Variants in HBS1L observed in about 807,000 individuals in gnomAD.
The protein encoded by HBS1L is HBS1 like translational GTPase.
A neutral mutation model predicts 88.9 loss-of-function variants in HBS1L; 55 were observed. That is an observed-to-expected ratio of 0.62 (90% CI 0.50 to 0.77). HBS1L has a LOEUF of 0.77. Ranked by LOEUF, HBS1L falls within the 30% of genes least tolerant of loss-of-function variation. The probability of loss-of-function intolerance (pLI) is 0.00; values close to 1 mark genes in which losing one functional copy is unlikely to be tolerated. For synonymous variants in HBS1L, 267 were observed against 288.5 expected, an observed-to-expected ratio of 0.93 and a Z score of 0.76; for missense variants, 741 against 829.3, an observed-to-expected ratio of 0.89 and a Z score of 1.31.
intron 4 of HBS1L, among the ~76,000 whole-genome samples, chr6:135,028,211 T>C (rs1218592980): frequency 6.7e-6 from 1 of 150,342 alleles, no homozygotes; most frequent in Non-Finnish European, 1.5e-5. Context: ...GGAGAACTAA[T>C]TACAGATCTT....
intron 2 of HBS1L, among the ~76,000 whole-genome samples, chr6:135,044,028 C>A (rs1015191391): frequency 4.3e-4 from 65 of 152,270 alleles, no homozygotes; most frequent in African/African-American, 1.4e-3. Context: ...CCACATTCCT[C>A]CCCTTGGCTC....
intron 17 of HBS1L, among the ~76,000 whole-genome samples, chr6:134,965,647 T>A (rs1411741061): frequency 6.6e-6 from 1 of 152,248 alleles, no homozygotes; most frequent in Non-Finnish European, 1.5e-5. Context: ...AGGTAGATTC[T>A]ATTATCCTAT....
chr6:135,051,225 A>G (rs1777073932), intron 1 of HBS1L, among the ~76,000 whole-genome samples: 2 of 152,036 alleles, frequency 1.3e-5, no homozygotes, highest in African/African-American at 2.4e-5. Context: ...CTCCGTCTCA[A>G]AAAGAAAAAA....
chr6:135,035,062 A>C (rs1238077072), intron 4 of HBS1L, among the ~76,000 whole-genome samples: 1 of 152,220 alleles, frequency 6.6e-6, no homozygotes, highest in Non-Finnish European at 1.5e-5. Context: ...TGATTAGAAA[A>C]GCTTCTATTG....
At chr6:135,025,877 A>G (rs1337993972) in intron 4 of HBS1L, among the ~76,000 whole-genome samples, 1 of 152,208 alleles carries the variant, frequency 6.6e-6, no homozygotes, top group Non-Finnish European at 1.5e-5. Context: ...AAAAACAAAT[A>G]GGAGGAAAAA....
intron 5 of HBS1L, among the ~76,000 whole-genome samples, chr6:134,999,511 G>A (rs979413145): frequency 2.1e-5 from 3 of 143,330 alleles, no homozygotes; most frequent in African/African-American, 7.8e-5. Flanking sequence ...GCAATGGTGC[G>A]ATCTCAGCTC....
chr6:134,997,970 A>G (rs1326887727), intron 5 of HBS1L, among the ~76,000 whole-genome samples: 3 of 152,228 alleles, frequency 2.0e-5, no homozygotes, highest in Non-Finnish European at 4.4e-5. Flanking sequence ...ATCAAAATCA[A>G]TGGTATGAAG....
At chr6:135,030,633 A>G (rs1358064220) in intron 4 of HBS1L, among the ~76,000 whole-genome samples, 1 of 152,222 alleles carries the variant, frequency 6.6e-6, no homozygotes, top group East Asian at 1.9e-4. Context: ...TAATTCTGCT[A>G]AAAGCTAATG....
chr6:135,042,923 T>G (rs1776790637), intron 2 of HBS1L, among the ~76,000 whole-genome samples: 1 of 152,154 alleles, frequency 6.6e-6, no homozygotes, highest in Admixed American at 6.5e-5. Flanking sequence ...AAACAACTCA[T>G]GCTTTCAATC....
At chr6:134,985,858 T>C (rs1376979507) in intron 11 of HBS1L, among the ~76,000 whole-genome samples, 2 of 152,136 alleles carry the variant, frequency 1.3e-5, no homozygotes, top group Non-Finnish European at 2.9e-5. Context: ...CTATAAGATA[T>C]GTAAACCAGG....
intron 15 of HBS1L, among the ~76,000 whole-genome samples, chr6:134,977,540 T>C (rs1774684567): frequency 6.6e-6 from 1 of 152,172 alleles, no homozygotes; most frequent in South Asian, 2.1e-4. Flanking sequence ...AATATAATTA[T>C]GTAAGTAAAG....
intron 12 of HBS1L, among the ~76,000 whole-genome samples, chr6:134,984,370 T>C (rs957489062): frequency 2.0e-5 from 3 of 152,174 alleles, no homozygotes; most frequent in South Asian, 2.1e-4. Context: ...AAAGAAGAGA[T>C]AGTACTTGCC....
chr6:134,968,975 TAA>T (rs1360508146), intron 16 of HBS1L, among the ~76,000 whole-genome samples: 1 of 152,172 alleles, frequency 6.6e-6, no homozygotes, highest in Non-Finnish European at 1.5e-5. Flanking sequence ...CATACATATA[TAA>T]GTTTATATTT....
chr6:135,005,161 AAGTG>A (rs1337035790), intron 4 of HBS1L, among the ~76,000 whole-genome samples: 1 of 152,224 alleles, frequency 6.6e-6, no homozygotes, highest in Non-Finnish European at 1.5e-5. Flanking sequence ...CATTTGAAAA[AAGTG>A]AGAAAAGTAA....
rs143340527 is a variant in HBS1L at position 134,992,066 on chromosome 6, T to G, written c.1083+1692A>C. 5.0e-3 allele frequency among the ~76,000 whole-genome samples: 758 copies of G among 152,320 alleles called. 4 individuals are homozygous for G. Among genetic ancestry groups the G allele is most frequent in the African/African-American group, 0.017 (716 of 41,572 alleles). On this transcript the variant is annotated intron_variant, in intron 8 of 17. Transcript: ENST00000367837. ...CTGGGCTACAGAGTGAGACTCTGTC[T>G]CAAAAAATTAATATTTTAATGAGTA...
chr6:134,989,588 T>A (rs946024688), intron 8 of HBS1L, among the ~76,000 whole-genome samples: 4 of 152,230 alleles, frequency 2.6e-5, no homozygotes, highest in African/African-American at 9.6e-5. Flanking sequence ...TAAATGGTCA[T>A]AAAATATGTC....
rs759394057 is a variant in HBS1L, at chr6:134,966,386, C to T, written c.1986G>A (p.Leu662=). The change falls in exon 17 of 18, where the codon CTG becomes CTA. Residue 662 remains leucine, a synonymous_variant. Coordinates refer to ENST00000367837, the MANE Select transcript of HBS1L (RefSeq NM_006620.4). ...ALELYKDFKE[L]GRFMLRYGGS... ...CACCGTAACGTAGCATGAACCTCCC[C>T]AGCTCTTTAAAGTCTTTATATAGCT... 1.9e-6 allele frequency: 3 copies of T among 1,613,270 alleles called. No homozygotes were observed. The South Asian group carries it at 3.3e-5, about 18-fold the overall frequency.
intron 3 of HBS1L, among the ~76,000 whole-genome samples, chr6:135,041,348 G>T (rs1191305365): frequency 6.6e-6 from 1 of 151,218 alleles, no homozygotes; most frequent in Non-Finnish European, 1.5e-5. Flanking sequence ...TAGCATCAGG[G>T]CCTCCTCTTT....
At chr6:135,014,406 T>A (rs1775858681) in intron 4 of HBS1L, among the ~76,000 whole-genome samples, 1 of 152,070 alleles carries the variant, frequency 6.6e-6, no homozygotes, top group African/African-American at 2.4e-5. Flanking sequence ...GACACAAAGG[T>A]GAGTGACAGA....
Sources: gnomAD v4.1 joint callset for allele counts (sites outside exome capture counted in the v4.1 genomes callset) on GRCh38, gnomAD v4.1.1 for gene constraint, MANE v1.5 for transcripts, NCBI Gene and HGNC (gene_info 2026-07-23, HGNC 2026-07-21) for gene names.